The following GSTCD variants were observed in gnomAD, a reference collection of about 807,000 sequenced individuals.
GSTCD encodes glutathione S-transferase C-terminal domain containing, also known as glutathione S-transferase C-terminal domain-containing protein.
A neutral mutation model predicts 68.3 loss-of-function variants in GSTCD; 44 were observed. The ratio of observed to expected loss-of-function variants is 0.64; its 90% CI spans 0.51 to 0.83. GSTCD has a LOEUF of 0.83. Ranked by LOEUF, GSTCD falls within the 40% of genes least tolerant of loss-of-function variation. The pLI is 0.00. For synonymous variants in GSTCD, 273 were observed against 255.2 expected (o/e 1.07, Z -0.67); for missense variants, 739 against 735.9 (o/e 1.00, Z -0.05).
chr4:105,819,232 A>C (rs1251940360), intron 5 of GSTCD, among the ~76,000 whole-genome samples: 1 of 151,770 alleles, frequency 6.6e-6, no homozygotes, highest in Admixed American at 6.6e-5. Flanking sequence ...CAAGTGAGTT[A>C]ATTGTAGTTT....
chr4:105,756,879 A>G (rs1228041772), intron 5 of GSTCD, among the ~76,000 whole-genome samples: 2 of 152,060 alleles, frequency 1.3e-5, no homozygotes, highest in Non-Finnish European at 2.9e-5. Context: ...CTGTCCGTCA[A>G]TCAGCAGAGT....
chr4:105,813,041 G>A (rs1722818106), intron 5 of GSTCD, among the ~76,000 whole-genome samples: 1 of 152,222 alleles, frequency 6.6e-6, no homozygotes. Flanking sequence ...GTAGGTGAGA[G>A]CACACACCTT....
intron 5 of GSTCD, among the ~76,000 whole-genome samples, chr4:105,734,589 T>G (rs1366395353): frequency 6.6e-6 from 1 of 152,224 alleles, no homozygotes; most frequent in Non-Finnish European, 1.5e-5. Flanking sequence ...GCCATTCGTC[T>G]AATCTTTTTG....
At chr4:105,741,823 A>T (rs145773271) in intron 5 of GSTCD, among the ~76,000 whole-genome samples, 267 of 152,314 alleles carry the variant, frequency 1.8e-3, no homozygotes, top group African/African-American at 6.1e-3. Context: ...CTCACATTAC[A>T]TTCACTGTTT....
rs144194112 is a variant in GSTCD at position 105,736,814 on chromosome 4, G to A, written c.1240+7315G>A. ...GACCAACTTTTTTTACCTTCCATTT[G>A]GAAGTGAGAACATGTGATATTTGTC... On this transcript the variant is annotated intron_variant, in intron 5 of 11. Transcript: ENST00000515279. 1.3e-3 allele frequency among the ~76,000 whole-genome samples: 197 copies of A among 152,078 alleles called. 2 individuals are homozygous for A. Among genetic ancestry groups the A allele is most frequent in the African/African-American group, 4.6e-3 (191 of 41,484 alleles).
intron 5 of GSTCD, among the ~76,000 whole-genome samples, chr4:105,813,479 T>C (rs1055355098): frequency 6.6e-6 from 1 of 152,238 alleles, no homozygotes; most frequent in African/African-American, 2.4e-5. Context: ...TTGTATAAGG[T>C]ATATGTGAAA....
chr4:105,749,783 A>G (rs1733944206), intron 5 of GSTCD, among the ~76,000 whole-genome samples: 1 of 152,186 alleles, frequency 6.6e-6, no homozygotes. Context: ...TGTGACACCA[A>G]GAGAATGATC....
At chr4:105,735,985 A>T (rs888917181) in intron 5 of GSTCD, among the ~76,000 whole-genome samples, 1 of 151,836 alleles carries the variant, frequency 6.6e-6, no homozygotes, top group African/African-American at 2.4e-5. Context: ...TTTATAATCC[A>T]TTTTCTCCGA....
At chr4:105,731,862 A>T (rs1180692152) in intron 5 of GSTCD, among the ~76,000 whole-genome samples, 1 of 152,194 alleles carries the variant, frequency 6.6e-6, no homozygotes, top group East Asian at 1.9e-4. Flanking sequence ...TTTGAGAAAC[A>T]TCCCATCAAT....
chr4:105,732,063 A>C (rs1217484502), intron 5 of GSTCD, among the ~76,000 whole-genome samples: 1 of 152,220 alleles, frequency 6.6e-6, no homozygotes, highest in Non-Finnish European at 1.5e-5. Flanking sequence ...ATGGTGGATA[A>C]GCTCTTTGAT....
chr4:105,846,414 T>A lies in GSTCD; in HGVS notation c.*837T>A, dbSNP rs1279887572. The A allele has an allele frequency of 6.6e-6, 1 of 152,128 alleles. No homozygotes were observed. The highest frequency in any genetic ancestry group is 6.6e-5 in the Admixed American group (1 of 15,266). 9.4% of individuals were successfully genotyped at this position (152,128 alleles called of 1,614,324 possible). On this transcript the variant is annotated 3_prime_UTR_variant, in exon 12 of 12. Transcript: ENST00000515279. ...AATAAATTTCCCATAAATTACCAAA[T>A]GAGATTGTCACTGGTTCAAATTATT... is the stretch of plus-strand genomic sequence containing the variant.
At position 105,728,680 on chromosome 4, in the gene GSTCD, T is replaced by TATAGATATATAG. The variant is rs368056265; in HGVS notation, c.1147-723_1147-722insGATATATAGATA. 8.2e-4 allele frequency among the ~76,000 whole-genome samples: 120 copies of TATAGATATATAG among 146,944 alleles called. 1 individual carries two copies. The highest frequency in any genetic ancestry group is 7.0e-3 in the Middle Eastern group (2 of 284). On this transcript the variant is annotated intron_variant, in intron 4 of 11. Transcript: ENST00000515279. ...AGCCATGGAGATATCTAGATATAGA[T>TATAGATATATAG]ATATAGATATAGATATAGATATAGA...
chr4:105,808,941 T>A (rs978338509), intron 5 of GSTCD, among the ~76,000 whole-genome samples: 25 of 152,096 alleles, frequency 1.6e-4, no homozygotes, highest in African/African-American at 6.0e-4. Flanking sequence ...ATTGCAGTGC[T>A]TGAGTCCAAA....
chr4:105,797,080 ATG>A (rs1284572353), intron 5 of GSTCD, among the ~76,000 whole-genome samples: 2 of 109,698 alleles, frequency 1.8e-5, no homozygotes, highest in Non-Finnish European at 3.7e-5. Context: ...GTGTGTGTGT[ATG>A]TGTGTGTGTG....
intron 1 of GSTCD, among the ~76,000 whole-genome samples, chr4:105,713,284 C>G (rs1397361593): frequency 1.3e-5 from 2 of 152,138 alleles, no homozygotes; most frequent in Non-Finnish European, 2.9e-5. Context: ...ACTGAGACAT[C>G]TGCAGAGTAG....
chr4:105,764,286 C>T (rs1171773812), intron 5 of GSTCD, among the ~76,000 whole-genome samples: 1 of 152,096 alleles, frequency 6.6e-6, no homozygotes, highest in Non-Finnish European at 1.5e-5. Context: ...CTCAGATATA[C>T]TAAGAGTAGT....
chr4:105,745,738 T>C (rs1286491298), intron 5 of GSTCD, among the ~76,000 whole-genome samples: 1 of 152,226 alleles, frequency 6.6e-6, no homozygotes, highest in Admixed American at 6.5e-5. Context: ...TAGAGGTTGC[T>C]ACTAGCACAT....
intron 8 of GSTCD, among the ~76,000 whole-genome samples, chr4:105,826,698 A>G (rs1723632816): frequency 6.6e-6 from 1 of 152,088 alleles, no homozygotes; most frequent in Non-Finnish European, 1.5e-5. Flanking sequence ...TTTTAATCAT[A>G]CTTTTTTTTC....
chr4:105,759,382 A>G (rs1344650788), intron 5 of GSTCD, among the ~76,000 whole-genome samples: 1 of 152,160 alleles, frequency 6.6e-6, no homozygotes, highest in Non-Finnish European at 1.5e-5. Context: ...ATGATAGTTC[A>G]AGTGAACCCA....
Sources: allele counts gnomAD v4.1 joint callset (sites outside exome capture counted in the v4.1 genomes callset), GRCh38; gene constraint gnomAD v4.1.1; transcripts MANE v1.5; gene names NCBI Gene and HGNC (gene_info 2026-07-23, HGNC 2026-07-21).